Variants in SMYD3 observed in about 807,000 individuals in gnomAD.
SMYD3 encodes the protein histone-lysine N-methyltransferase SMYD3.
SMYD3 carries 36 observed loss-of-function variants against 57.7 expected under a neutral mutation model. The observed-to-expected ratio is 0.62, with a 90% CI of 0.48 to 0.82. The LOEUF is 0.82. SMYD3 is among the 40% of genes least tolerant of loss of function. The pLI, the probability that SMYD3 is intolerant of heterozygous loss-of-function variation, is 0.00. For synonymous variants in SMYD3, 211 were observed against 195.0 expected (o/e 1.08, Z -0.68); for missense variants, 515 against 538.8 (o/e 0.96, Z 0.44).
At chr1:245,928,214 G>A (rs144971092) in intron 6 of SMYD3, among the ~76,000 whole-genome samples, 181 bp from the exon 7 acceptor site, 1,594 of 152,192 alleles carry the variant, frequency 0.01, 26 homozygotes, top group African/African-American at 0.036. Flanking sequence ...CACCTCCCAC[G>A]AAGTGCAATT....
intron 5 of SMYD3, among the ~76,000 whole-genome samples, chr1:246,239,571 A>G (rs1008188620): frequency 1.3e-5 from 2 of 152,202 alleles, no homozygotes; most frequent in African/African-American, 4.8e-5. Context: ...GTGTCTTTAT[A>G]GCAGCATGAT....
chr1:246,499,446 GTTGT>G lies in SMYD3; in HGVS notation c.164+7604_164+7607del, dbSNP rs781571190. Among the ~76,000 whole-genome samples the G allele has an allele frequency of 3.0e-4, 46 of 150,876 alleles. 1 individual carries two copies. Among genetic ancestry groups the G allele is most frequent in the Non-Finnish European group, 5.8e-4 (39 of 67,800 alleles). ...CACACATATATATATTTTTGTTATT[GTTGT>G]TTTGTTGTTGTTGGGTATTTTTTGG... On this transcript the variant is annotated intron_variant, in intron 1 of 11. Coordinates refer to ENST00000490107, the MANE Select transcript of SMYD3 (RefSeq NM_001167740.2).
chr1:246,114,556 C>T (rs1334348924), intron 5 of SMYD3, among the ~76,000 whole-genome samples: 1 of 152,232 alleles, frequency 6.6e-6, no homozygotes, highest in African/African-American at 2.4e-5. Flanking sequence ...AACTTCCTTT[C>T]AGCCCCTGCC....
intron 5 of SMYD3, among the ~76,000 whole-genome samples, chr1:246,206,297 A>G (rs7539358): frequency 0.33 from 50,368 of 151,888 alleles, 10,279 homozygotes; most frequent in East Asian, 0.58. Flanking sequence ...ACCTACATTG[A>G]AATCTATTCT....
chr1:246,031,227 A>T (rs12043675), intron 5 of SMYD3, among the ~76,000 whole-genome samples: 66,893 of 151,890 alleles, frequency 0.44, 16,614 homozygotes, highest in East Asian at 0.95. Flanking sequence ...TACGATAATC[A>T]TTATAATAAA....
chr1:246,154,426 AC>A lies in SMYD3; in HGVS notation c.531+172774del, dbSNP rs201423960. Reference sequence around the variant, plus strand: ...TCAGGGCTTAAGTCTTCAGAATTTGACCCCCGCTCACGGCACAGAAGGATGC... The same window carrying A: ...TCAGGGCTTAAGTCTTCAGAATTTGACCCCGCTCACGGCACAGAAGGATGC... On this transcript the variant is annotated intron_variant, in intron 5 of 11. Transcript: ENST00000490107. 6.3e-3 allele frequency among the ~76,000 whole-genome samples: 953 copies of A among 152,154 alleles called. 11 individuals carry two copies. Among genetic ancestry groups the A allele is most frequent in the African/African-American group, 0.021 (884 of 41,500 alleles).
At chr1:246,122,406 G>C (rs1450777634) in intron 5 of SMYD3, among the ~76,000 whole-genome samples, 1 of 152,182 alleles carries the variant, frequency 6.6e-6, no homozygotes, top group Non-Finnish European at 1.5e-5. Flanking sequence ...GCAACAAAGA[G>C]AGTGCTGTTT....
At chr1:246,160,176 C>T (rs2062092201) in intron 5 of SMYD3, among the ~76,000 whole-genome samples, 1 of 152,180 alleles carries the variant, frequency 6.6e-6, no homozygotes, top group Admixed American at 6.5e-5. Context: ...AGAATCCATT[C>T]TTCCAAATCC....
chr1:246,436,633 G>T (rs1380073778), intron 1 of SMYD3, among the ~76,000 whole-genome samples: 2 of 152,120 alleles, frequency 1.3e-5, no homozygotes, highest in Admixed American at 6.5e-5. Flanking sequence ...TATTTAGGCA[G>T]GTGTCTTGCC....
At chr1:246,074,140 TC>T (rs2060504606) in intron 5 of SMYD3, among the ~76,000 whole-genome samples, 1 of 152,160 alleles carries the variant, frequency 6.6e-6, no homozygotes. Flanking sequence ...TTTGTCTCCT[TC>T]CAGTGTGGCC....
intron 8 of SMYD3, among the ~76,000 whole-genome samples, chr1:245,897,692 C>T (rs181783257): frequency 6.6e-6 from 1 of 152,128 alleles, no homozygotes; most frequent in African/African-American, 2.4e-5. Context: ...GTCAGGAGTT[C>T]GAGACCAGCC....
intron 10 of SMYD3, among the ~76,000 whole-genome samples, chr1:245,857,913 G>C (rs2051333553): frequency 6.6e-6 from 1 of 152,184 alleles, no homozygotes; most frequent in Non-Finnish European, 1.5e-5. Context: ...GCTGAGATCA[G>C]TCAAGAAGCA....
chr1:246,116,139 TAAAAAAG>T, intron 5 of SMYD3, among the ~76,000 whole-genome samples: 1 of 150,136 alleles, frequency 6.7e-6, no homozygotes, highest in African/African-American at 2.5e-5. Context: ...AAACTCTGTC[TAAAAAAG>T]AAAAAAAGAA....
At chr1:246,214,450 CAAAG>C (rs1469380170) in intron 5 of SMYD3, among the ~76,000 whole-genome samples, 1 of 152,028 alleles carries the variant, frequency 6.6e-6, no homozygotes, top group Non-Finnish European at 1.5e-5. Flanking sequence ...GGAAAAAAGA[CAAAG>C]AGATGAGTTT....
intron 8 of SMYD3, among the ~76,000 whole-genome samples, chr1:245,902,292 G>C (rs1205446096): frequency 6.6e-6 from 1 of 152,204 alleles, no homozygotes; most frequent in African/African-American, 2.4e-5. Context: ...TTTCCTCAAA[G>C]CATGGGAGCT....
chr1:246,317,344 C>T (rs1400453869), intron 5 of SMYD3, among the ~76,000 whole-genome samples: 1 of 152,250 alleles, frequency 6.6e-6, no homozygotes, highest in African/African-American at 2.4e-5. Flanking sequence ...TCTCCCAGCA[C>T]ATCCTATTTC....
rs558187532 is a variant in SMYD3, at chr1:245,793,153, C to CA, written c.1077-29005dup. Among the ~76,000 whole-genome samples, 20 of 148,704 alleles carry CA rather than the reference C, an allele frequency of 1.3e-4. No homozygotes were observed. In the East Asian group the frequency reaches 4.0e-3, roughly 30 times the overall value. ...TGAAACCCCGTCTCTACTAAAAATA[C>CA]AAAAAATGAGCCGGGCATGGTGGCG... On this transcript the variant is annotated intron_variant, in intron 10 of 11. Coordinates refer to ENST00000490107, the MANE Select transcript of SMYD3 (RefSeq NM_001167740.2).
At chr1:245,858,794 C>G (rs1379781992) in intron 9 of SMYD3, 124 bp from the exon 10 acceptor site, 2 of 952,312 alleles carry the variant, frequency 2.1e-6, no homozygotes, top group African/African-American at 3.3e-5. Flanking sequence ...TTATTTTTCA[C>G]AGATGAGCTG....
rs2047810983 is a variant in SMYD3, at chr1:245,800,573, G to A, written c.1077-36424C>T. On this transcript the variant is annotated intron_variant, in intron 10 of 11. Transcript: ENST00000490107. ...CAAGCAGAAAACAGAACACAGCCCT[G>A]TCATGCAGATGTCCCTACGTAAATA... Among the ~76,000 whole-genome samples the A allele has an allele frequency of 2.6e-5, 4 of 152,124 alleles. No individual in the cohort carries two copies. The South Asian group carries it at 8.3e-4, about 32-fold the overall frequency.
Sources: gnomAD v4.1 joint callset for allele counts (sites outside exome capture counted in the v4.1 genomes callset) on GRCh38, gnomAD v4.1.1 for gene constraint, MANE v1.5 for transcripts, NCBI Gene and HGNC (gene_info 2026-07-23, HGNC 2026-07-21) for gene names.